The following KTN1 variants were observed in gnomAD, a reference collection of about 807,000 sequenced individuals.
The protein encoded by KTN1 is kinectin 1, also known as kinectin.
Under a neutral mutation model 222.5 loss-of-function variants are expected in KTN1, and 130 were observed. The ratio of observed to expected loss-of-function variants is 0.58; its 90% CI spans 0.51 to 0.68. The LOEUF (loss-of-function observed/expected upper bound fraction) is 0.68. Ranked by LOEUF, KTN1 falls within the 30% of genes least tolerant of loss-of-function variation. The pLI is 0.00. For synonymous variants in KTN1, 512 were observed against 496.3 expected, an observed-to-expected ratio of 1.03 and a Z score of -0.42; for missense variants, 1,508 against 1,500.4, an observed-to-expected ratio of 1.01 and a Z score of -0.08.
intron 2 of KTN1, among the ~76,000 whole-genome samples, chr14:55,613,146 C>T (rs1267971911): frequency 1.3e-5 from 2 of 152,124 alleles, no homozygotes; most frequent in African/African-American, 2.4e-5. Flanking sequence ...ATGAATAGTG[C>T]GTTTTCGAGG....
chr14:55,605,357 G>A (rs911252703), intron 1 of KTN1, among the ~76,000 whole-genome samples: 7 of 152,080 alleles, frequency 4.6e-5, no homozygotes, highest in Admixed American at 6.6e-5. Context: ...TCTTTAGCTC[G>A]TTTCTGCTGC....
rs145895062 is a variant in KTN1 at position 55,653,099 on chromosome 14, A to G, written c.2763+14A>G. 2,312 of 1,476,980 alleles carry G rather than the reference A, an allele frequency of 1.6e-3. 14 individuals are homozygous for G. Among genetic ancestry groups the G allele is most frequent in the African/African-American group, 7.8e-3 (557 of 71,726 alleles). 91.5% of individuals were successfully genotyped at this position (1,476,980 alleles called of 1,614,324 possible). A position where few individuals can be genotyped will look rare whatever the true frequency, so the allele number is the denominator to read the frequency against. The stretch of plus-strand genomic sequence containing the variant: ...AACTTGAAAGAGGTATAGTATAAAC[A>G]AATTACCAACATGTTACATAAGGAA... On this transcript the variant is annotated intron_variant, in intron 27 of 43. Coordinates refer to ENST00000395314, the MANE Select transcript of KTN1 (RefSeq NM_001079521.2).
intron 4 of KTN1, among the ~76,000 whole-genome samples, chr14:55,618,600 T>A (rs1488370115): frequency 6.6e-6 from 1 of 152,308 alleles, no homozygotes; most frequent in East Asian, 1.9e-4. Flanking sequence ...GTGGCAGCTC[T>A]TTTTAAGAAG....
intron 41 of KTN1, 38 bp from the exon 42 acceptor site, chr14:55,678,314 T>C: frequency 9.0e-7 from 1 of 1,112,922 alleles, no homozygotes; most frequent in East Asian, 2.4e-5. Context: ...ATTTATCAAC[T>C]GTATTACTTA....
At chr14:55,596,760 T>G (rs565860664) in intron 1 of KTN1, among the ~76,000 whole-genome samples, 1 of 152,170 alleles carries the variant, frequency 6.6e-6, no homozygotes, top group Non-Finnish European at 1.5e-5. Flanking sequence ...ATTTTTTGCT[T>G]AGGTTTCCTA....
At position 55,618,104 on chromosome 14, in the gene KTN1, A is replaced by G. The variant is rs755126392; in HGVS notation, c.802A>G (p.Thr268Ala). Reference protein sequence around the residue: ...DQVEGIQKSGTKKLKTETDKE... With the variant: ...DQVEGIQKSGAKKLKTETDKE... ...AGTAGAAGGGATCCAGAAATCTGGGACTAAAAAACTGAAGACCGAAACTGA... is the reference window on the plus strand; with the variant it reads ...AGTAGAAGGGATCCAGAAATCTGGGGCTAAAAAACTGAAGACCGAAACTGA... The change falls in exon 4 of 44, where the codon ACT becomes GCT. Residue 268 changes from threonine (T) to alanine (A), a missense_variant. Physicochemically the swap from Thr to Ala is moderately conservative, Grantham distance 58. Coordinates refer to ENST00000395314, the MANE Select transcript of KTN1 (RefSeq NM_001079521.2). 1.2e-6 allele frequency: 2 copies of G among 1,612,182 alleles called. No homozygotes were observed. Among genetic ancestry groups the G allele is most frequent in the South Asian group, 1.1e-5 (1 of 90,794 alleles).
chr14:55,672,537 G>A, intron 37 of KTN1, 93 bp from the exon 38 acceptor site: 1 of 724,760 alleles, frequency 1.4e-6, no homozygotes, highest in Middle Eastern at 2.4e-4. Flanking sequence ...TCAAAACCTT[G>A]GAAGTGTCTT....
intron 4 of KTN1, among the ~76,000 whole-genome samples, chr14:55,618,457 G>A (rs898843496): frequency 7.2e-5 from 11 of 151,952 alleles, no homozygotes; most frequent in East Asian, 5.8e-4. Flanking sequence ...GTAGTTTTAG[G>A]TTCACAGCAA....
intron 25 of KTN1, 54 bp from the exon 26 acceptor site, chr14:55,652,795 GC>G (rs2043076933): frequency 1.3e-5 from 16 of 1,239,684 alleles, no homozygotes; most frequent in Admixed American, 2.2e-5. Flanking sequence ...TAAGATTTTT[GC>G]TTTTTATGGT....
At chr14:55,672,776 T>TTACTTTA in intron 38 of KTN1, 75 bp downstream of exon 38, 2 of 1,133,878 alleles carry the variant, frequency 1.8e-6, no homozygotes, top group Non-Finnish European at 2.6e-6. Context: ...AGATCTATAG[T>TTACTTTA]TTAAGATTAC....
intron 29 of KTN1, among the ~76,000 whole-genome samples, chr14:55,657,708 C>T (rs947944255): frequency 3.3e-5 from 5 of 151,866 alleles, no homozygotes; most frequent in African/African-American, 7.3e-5. Flanking sequence ...GTCAGGGGTT[C>T]GAGACCAAAC....
intron 1 of KTN1, among the ~76,000 whole-genome samples, chr14:55,582,965 A>C (rs2032070337): frequency 6.6e-6 from 1 of 152,198 alleles, no homozygotes; most frequent in African/African-American, 2.4e-5. Flanking sequence ...GCTCAAAGAG[A>C]ATTGCATTTC....
intron 1 of KTN1, among the ~76,000 whole-genome samples, chr14:55,585,239 T>C (rs1594670313): frequency 1.3e-5 from 2 of 151,970 alleles, no homozygotes; most frequent in Admixed American, 1.3e-4. Flanking sequence ...TCAGGGATGG[T>C]CAGAGAGTGG....
In KTN1 at chr14:55,612,030, T is replaced by A; in HGVS notation, c.-19T>A. On this transcript the variant is annotated 5_prime_UTR_variant, in exon 2 of 44. Coordinates refer to ENST00000395314, the MANE Select transcript of KTN1 (RefSeq NM_001079521.2). ...TCTTCCCTATTTAGGTTTTATAGGA[T>A]CACATTGACAAAAGTACCATGGAGT... 1.5e-6 allele frequency: 2 copies of A among 1,373,832 alleles called. No individual in the cohort carries two copies. The highest frequency in any genetic ancestry group is 3.9e-5 in the South Asian group (2 of 51,550). The allele number at this position is 1,373,832 out of a possible 1,614,324, so 85.1% of individuals were successfully genotyped here.
intron 1 of KTN1, 65 bp from the exon 2 acceptor site, chr14:55,611,954 C>G: frequency 1.4e-6 from 1 of 725,154 alleles, no homozygotes. Context: ...GCAGTTTTGA[C>G]TTTAATTTTT....
intron 11 of KTN1, among the ~76,000 whole-genome samples, 182 bp from the exon 12 acceptor site, chr14:55,637,595 TTC>T (rs2041285188): frequency 6.6e-6 from 1 of 151,640 alleles, no homozygotes; most frequent in Non-Finnish European, 1.5e-5. Context: ...TATCTTTAAC[TTC>T]TGTCTTATAA....
chr14:55,591,561 ATTTC>A (rs906798233), intron 1 of KTN1, among the ~76,000 whole-genome samples: 2 of 131,128 alleles, frequency 1.5e-5, no homozygotes, highest in Admixed American at 7.5e-5. Context: ...TATGTCTTGC[ATTTC>A]TTTCTTTCTC....
At chr14:55,666,693 C>A (rs1272716446) in intron 33 of KTN1, among the ~76,000 whole-genome samples, 1 of 151,724 alleles carries the variant, frequency 6.6e-6, no homozygotes, top group Non-Finnish European at 1.5e-5. Context: ...TTTCTTTTTC[C>A]CATTTATGTC....
chr14:55,584,420 A>G (rs10148188), intron 1 of KTN1, among the ~76,000 whole-genome samples: 2,982 of 152,288 alleles, frequency 0.02, 56 homozygotes, highest in African/African-American at 0.051. Flanking sequence ...ACAATCAATG[A>G]GGAAATTATA....
Sources: allele counts gnomAD v4.1 joint callset (sites outside exome capture counted in the v4.1 genomes callset), GRCh38; gene constraint gnomAD v4.1.1; transcripts MANE v1.5; gene names NCBI Gene and HGNC (gene_info 2026-07-23, HGNC 2026-07-21).